Variants in PTBP2 observed in about 807,000 individuals in gnomAD.
The protein encoded by PTBP2 is polypyrimidine tract-binding protein 2.
Under a neutral mutation model 61.4 loss-of-function variants are expected in PTBP2, and 13 were observed. That is an observed-to-expected ratio of 0.21 (90% CI 0.14 to 0.34). The LOEUF (loss-of-function observed/expected upper bound fraction) is 0.34, where lower values mean the gene tolerates loss of function less well. Ranked by LOEUF, PTBP2 falls within the 10% of genes least tolerant of loss-of-function variation. The pLI, the probability that PTBP2 is intolerant of heterozygous loss-of-function variation, is 1.00. For missense variants in PTBP2, 405 were observed against 642.6 expected (o/e 0.63, Z 4.00); for synonymous variants, 215 against 218.5 (o/e 0.98, Z 0.14).
intron 8 of PTBP2, among the ~76,000 whole-genome samples, chr1:96,795,555 T>A (rs945636703): frequency 1.3e-5 from 2 of 152,210 alleles, no homozygotes; most frequent in African/African-American, 4.8e-5. Flanking sequence ...AATTAAACTT[T>A]AAGCAGTGCA....
chr1:96,757,567 A>G lies in PTBP2; in HGVS notation c.115+6067A>G, dbSNP rs139006384. Among the ~76,000 whole-genome samples the G allele has an allele frequency of 1.2e-3, 186 of 152,320 alleles. No individual in the cohort carries two copies. In the Middle Eastern group the frequency reaches 0.014, roughly 11 times the overall value. On this transcript the variant is annotated intron_variant, in intron 3 of 13. Transcript: ENST00000674951. ...TCCTAGCCCCCAAATAAAAAGATAC[A>G]TAATTTGAAAAGTGCTATCATGTTG...
intron 2 of PTBP2, among the ~76,000 whole-genome samples, chr1:96,743,353 T>C (rs1426303769): frequency 6.6e-6 from 1 of 152,182 alleles, no homozygotes; most frequent in African/African-American, 2.4e-5. Flanking sequence ...GTTCTTCATG[T>C]AAACAAGTTT....
At chr1:96,805,144 T>C (rs575384110) in intron 9 of PTBP2, among the ~76,000 whole-genome samples, 8 of 152,198 alleles carry the variant, frequency 5.3e-5, no homozygotes, top group African/African-American at 1.9e-4. Flanking sequence ...TCTTTATATC[T>C]ATATCTATAT....
At chr1:96,803,012 G>C (rs1661176411) in intron 8 of PTBP2, among the ~76,000 whole-genome samples, 1 of 152,114 alleles carries the variant, frequency 6.6e-6, no homozygotes, top group Non-Finnish European at 1.5e-5. Context: ...CTAGGAATTA[G>C]GAATGTATAC....
rs1321644073 is a variant in PTBP2 at position 96,721,863 on chromosome 1, C to T, written c.-2C>T. 1 of 1,573,688 alleles carries T rather than the reference C, an allele frequency of 6.4e-7. No individual in the cohort carries two copies. The highest frequency in any genetic ancestry group is 8.6e-7 in the Non-Finnish European group (1 of 1,159,566). ...GTGAGCGAAGCTTTGTCCGGTTCGG[C>T]AATGGACGGGTATGTAATCGGGCCG... On this transcript the variant is annotated 5_prime_UTR_variant, in exon 1 of 14. Coordinates refer to ENST00000674951, the MANE Select transcript of PTBP2 (RefSeq NM_021190.4).
At chr1:96,773,895 G>A (rs1257313561) in intron 5 of PTBP2, among the ~76,000 whole-genome samples, 6 of 151,332 alleles carry the variant, frequency 4.0e-5, no homozygotes, top group African/African-American at 1.5e-4. Context: ...CCCAGGAGGC[G>A]GAGCTTGCAG....
chr1:96,796,178 C>T (rs572932207), intron 8 of PTBP2, among the ~76,000 whole-genome samples: 1 of 151,554 alleles, frequency 6.6e-6, no homozygotes, highest in African/African-American at 2.4e-5. Flanking sequence ...ATTGGCTGGG[C>T]ATGGTGGCTC....
At chr1:96,776,124 G>C (rs903155310) in intron 5 of PTBP2, among the ~76,000 whole-genome samples, 1 of 151,828 alleles carries the variant, frequency 6.6e-6, no homozygotes, top group Non-Finnish European at 1.5e-5. Flanking sequence ...TCCTATTTTA[G>C]AAAACATTTT....
chr1:96,818,300 G>A (rs778005220), downstream of PTBP2: 1 of 151,970 alleles, frequency 6.6e-6, no homozygotes, highest in Non-Finnish European at 1.5e-5. Flanking sequence ...ACAAAAAATA[G>A]AAGAATATTT....
chr1:96,748,429 T>C (rs536662906), intron 2 of PTBP2, among the ~76,000 whole-genome samples: 1 of 139,228 alleles, frequency 7.2e-6, no homozygotes, highest in African/African-American at 2.5e-5. Flanking sequence ...TGTACTTGCT[T>C]TTGCACATTT....
At chr1:96,752,869 CT>C (rs1654731497) in intron 3 of PTBP2, among the ~76,000 whole-genome samples, 1 of 151,936 alleles carries the variant, frequency 6.6e-6, no homozygotes, top group Non-Finnish European at 1.5e-5. Flanking sequence ...TAAGATCATC[CT>C]TGAGAGAAGG....
At chr1:96,774,308 T>A (rs1657770998) in intron 5 of PTBP2, among the ~76,000 whole-genome samples, 2 of 152,206 alleles carry the variant, frequency 1.3e-5, no homozygotes, top group African/African-American at 4.8e-5. Context: ...TGCCAATTTC[T>A]GATTTGGTTC....
At chr1:96,750,780 G>A (rs273877) in intron 2 of PTBP2, among the ~76,000 whole-genome samples, 88,048 of 151,846 alleles carry the variant, frequency 0.58, 26,156 homozygotes, top group African/African-American at 0.71. Context: ...ATTTTTGTAA[G>A]TACATAACAT....
intron 2 of PTBP2, among the ~76,000 whole-genome samples, chr1:96,739,859 C>T (rs1050531404): frequency 6.6e-6 from 1 of 151,784 alleles, no homozygotes; most frequent in East Asian, 1.9e-4. Context: ...CTCCCGACCT[C>T]GTGATCCGCC....
chr1:96,745,723 A>G (rs923381796), intron 2 of PTBP2, among the ~76,000 whole-genome samples: 2 of 151,962 alleles, frequency 1.3e-5, no homozygotes, highest in Admixed American at 1.3e-4. Flanking sequence ...GAAAATACCC[A>G]TTTTATCTTT....
chr1:96,783,242 C>G (rs935822477), intron 7 of PTBP2, among the ~76,000 whole-genome samples: 8 of 151,994 alleles, frequency 5.3e-5, no homozygotes, highest in Non-Finnish European at 1.2e-4. Context: ...TTTTTGCTCT[C>G]ATACACCCTC....
chr1:96,751,948 C>CT (rs1447187038), intron 3 of PTBP2, among the ~76,000 whole-genome samples: 2 of 151,936 alleles, frequency 1.3e-5, no homozygotes, highest in Admixed American at 6.6e-5. Context: ...ATGGTTTTAA[C>CT]TAATTTTTTG....
At chr1:96,736,635 G>A (rs1652231539) in intron 2 of PTBP2, among the ~76,000 whole-genome samples, 1 of 152,022 alleles carries the variant, frequency 6.6e-6, no homozygotes, top group Non-Finnish European at 1.5e-5. Flanking sequence ...ATAATATTTT[G>A]GTATTTTGGG....
rs1662208857 is a variant in PTBP2 at position 96,812,803 on chromosome 1, A to G, written c.1263A>G (p.Gly421=). The G allele has an allele frequency of 1.9e-6, 3 of 1,611,976 alleles. No individual in the cohort carries two copies. The highest frequency in any genetic ancestry group is 2.2e-5 in the South Asian group (2 of 91,032). Residue 421 remains glycine (G), a synonymous_variant, in exon 12 of 14, where the codon GGA becomes GGG. Coordinates refer to ENST00000674951, the MANE Select transcript of PTBP2 (RefSeq NM_021190.4). The part of the protein sequence containing the change: ...KHQTVQLPRE[G]LDDQGLTKDF... Reference sequence around the variant, plus strand: ...AGACTGTACAGCTACCTCGAGAGGGACTTGATGATCAAGGGCTAACAAAAG... The same window carrying G: ...AGACTGTACAGCTACCTCGAGAGGGGCTTGATGATCAAGGGCTAACAAAAG...
Sources: gnomAD v4.1 joint callset for allele counts (sites outside exome capture counted in the v4.1 genomes callset) on GRCh38, gnomAD v4.1.1 for gene constraint, MANE v1.5 for transcripts, NCBI Gene and HGNC (gene_info 2026-07-23, HGNC 2026-07-21) for gene names.